PCSK5: variants seen among roughly 807,000 people sequenced by gnomAD.
PCSK5 encodes the protein prohormone convertase 5.
Under a neutral mutation model 233.2 loss-of-function variants are expected in PCSK5, and 129 were observed. That is an observed-to-expected ratio of 0.55 (90% CI 0.48 to 0.64). PCSK5 has a LOEUF of 0.64. Among genes scored for constraint, PCSK5 ranks in the 30% least tolerant of loss-of-function variants. PCSK5 has a pLI of 0.00. For missense variants in PCSK5, 2,076 were observed against 2,430.1 expected, an observed-to-expected ratio of 0.85 and a Z score of 3.06; for synonymous variants, 825 against 879.2, an observed-to-expected ratio of 0.94 and a Z score of 1.09.
chr9:76,327,174 A>T (rs1412732548), intron 32 of PCSK5, among the ~76,000 whole-genome samples: 1 of 147,250 alleles, frequency 6.8e-6, no homozygotes, highest in Admixed American at 6.9e-5. Flanking sequence ...TGGTGCAATC[A>T]CAGCTCACTG....
rs760173845 is a variant in PCSK5 at position 76,323,056 on chromosome 9, C to T, written c.4107C>T (p.Cys1369=). 1 of 1,578,790 alleles carries T rather than the reference C, an allele frequency of 6.3e-7. No individual in the cohort carries two copies. Among genetic ancestry groups the T allele is most frequent in the South Asian group, 1.1e-5 (1 of 88,136 alleles). Residue 1369 remains cysteine, a synonymous_variant, in exon 32 of 38, where the codon TGC becomes TGT. Coordinates refer to ENST00000674117, the MANE Select transcript of PCSK5 (RefSeq NM_001372043.1). The part of the protein sequence containing the change: ...DCIHEKTCKE[C]TPEFFLHDDM... ...GCTGCTTCCTCCTTTTCCCAGAGTG[C>T]ACGCCTGAGTTCTTCCTGCACGATG...
chr9:76,360,482 A>G lies in PCSK5; in HGVS notation c.*1560A>G, dbSNP rs1830413638. The G allele has an allele frequency of 6.6e-6, 1 of 152,250 alleles. No homozygotes were observed. The highest frequency in any genetic ancestry group is 6.5e-5 in the Admixed American group (1 of 15,276). 9.4% of individuals were successfully genotyped at this position (152,250 alleles called of 1,614,324 possible). A position where few individuals can be genotyped will look rare whatever the true frequency, so the allele number is the denominator to read the frequency against. On this transcript the variant is annotated 3_prime_UTR_variant, in exon 38 of 38. Coordinates refer to ENST00000674117, the MANE Select transcript of PCSK5 (RefSeq NM_001372043.1). Reference sequence around the variant, plus strand: ...TGGGAAAATAAGCATCCTAAATATAATTAAAGTCATGCCTATTGTTTTAGT... The same window carrying G: ...TGGGAAAATAAGCATCCTAAATATAGTTAAAGTCATGCCTATTGTTTTAGT...
At chr9:76,340,087 G>A (rs1829786497) in intron 35 of PCSK5, among the ~76,000 whole-genome samples, 1 of 152,064 alleles carries the variant, frequency 6.6e-6, no homozygotes, top group Admixed American at 6.6e-5. Flanking sequence ...GTCCTCCCAG[G>A]AGTATTCTTC....
chr9:76,181,470 C>A lies in PCSK5; in HGVS notation c.2076C>A (p.Asn692Lys), dbSNP rs781723717. Reference sequence around the variant, plus strand: ...AGCGCTGCAGGAAGTGTGCCCCCAACTGTGAGTCCTGCTTTGGGAGCCATG... The same window carrying A: ...AGCGCTGCAGGAAGTGTGCCCCCAAATGTGAGTCCTGCTTTGGGAGCCATG... Reference protein sequence around the residue: ...DKKRCRKCAPNCESCFGSHGD... With the variant: ...DKKRCRKCAPKCESCFGSHGD... Residue 692 changes from asparagine (N) to lysine (K), a missense_variant, in exon 16 of 38, where the codon AAC becomes AAA. Asn to Lys is a moderately conservative substitution (Grantham distance 94). This residue lies in a region of PCSK5 where 1,510 missense variants were observed against 1,538.1 expected (regional missense o/e 0.98). Transcript: ENST00000674117. 6.2e-7 allele frequency: 1 copy of A among 1,614,086 alleles called. No homozygotes were observed.
At chr9:76,264,063 T>C (rs1272771687) in intron 24 of PCSK5, among the ~76,000 whole-genome samples, 1 of 152,114 alleles carries the variant, frequency 6.6e-6, no homozygotes, top group East Asian at 1.9e-4. Context: ...AACTATACTT[T>C]AAAGCTACAG....
rs376100653 is a variant in PCSK5 at position 75,971,754 on chromosome 9, C to G, written c.298-14378C>G. ...TCTTTTGAGAAGTACCTGTTCATGT[C>G]CTTTGCCCACTTTTTAATAGGTTTT... On this transcript the variant is annotated intron_variant, in intron 2 of 37. Coordinates refer to ENST00000674117, the MANE Select transcript of PCSK5 (RefSeq NM_001372043.1). Among the ~76,000 whole-genome samples the G allele has an allele frequency of 2.7e-5, 4 of 149,878 alleles. No homozygotes were observed. The South Asian group carries it at 8.4e-4, about 32-fold the overall frequency.
chr9:76,308,865 C>G (rs1437406195), intron 29 of PCSK5, 137 bp downstream of exon 29: 4 of 610,624 alleles, frequency 6.6e-6, no homozygotes, highest in Non-Finnish European at 8.6e-6. Context: ...AGTGGCTACT[C>G]GGGAGACACA....
chr9:76,339,451 T>C (rs1438483012), intron 35 of PCSK5, among the ~76,000 whole-genome samples: 2 of 152,202 alleles, frequency 1.3e-5, no homozygotes, highest in Non-Finnish European at 2.9e-5. Context: ...ACCCCATCTT[T>C]ATGATCCTGA....
intron 5 of PCSK5, among the ~76,000 whole-genome samples, chr9:76,053,233 G>C (rs193241729): frequency 6.6e-6 from 1 of 152,100 alleles, no homozygotes; most frequent in Non-Finnish European, 1.5e-5. Context: ...CACTCTTTTG[G>C]GGGGGCTCCC....
intron 20 of PCSK5, among the ~76,000 whole-genome samples, chr9:76,199,806 CAA>C (rs1824850355): frequency 6.6e-6 from 1 of 152,112 alleles, no homozygotes; most frequent in African/African-American, 2.4e-5. Flanking sequence ...TCTCTTCCCT[CAA>C]GATTCACACC....
At chr9:76,083,204 CAAAAAAAAAAAAAAA>C (rs11324176) in intron 7 of PCSK5, among the ~76,000 whole-genome samples, 1 of 75,460 alleles carries the variant, frequency 1.3e-5, no homozygotes, top group Non-Finnish European at 2.5e-5. Flanking sequence ...AGCGAGATCT[CAAAAAAAAAAAAAAA>C]AAAAAAAAGA....
chr9:76,287,149 G>T (rs1055111334), intron 24 of PCSK5: 2 of 173,752 alleles, frequency 1.2e-5, no homozygotes, highest in East Asian at 2.9e-4. Flanking sequence ...CTACACGGTC[G>T]TTGACTATAT....
chr9:76,110,237 G>T (rs977235504), intron 9 of PCSK5, among the ~76,000 whole-genome samples: 130 of 152,184 alleles, frequency 8.5e-4, no homozygotes, highest in African/African-American at 3.0e-3. Flanking sequence ...GGCCTGCCAG[G>T]GTTCATTCAG....
intron 2 of PCSK5, among the ~76,000 whole-genome samples, chr9:75,939,021 T>C (rs763008588): frequency 2.0e-5 from 3 of 152,186 alleles, no homozygotes; most frequent in Non-Finnish European, 4.4e-5. Context: ...TTACTTACTA[T>C]AGTAAATTGC....
intron 1 of PCSK5, among the ~76,000 whole-genome samples, chr9:75,898,383 G>A (rs1043602432): frequency 2.0e-5 from 3 of 152,178 alleles, no homozygotes; most frequent in African/African-American, 7.2e-5. Flanking sequence ...TTTCTAGTAA[G>A]CAGCAAAGTT....
At position 76,359,618 on chromosome 9, in the gene PCSK5, A is replaced by C. The variant is rs1264285266; in HGVS notation, c.*696A>C. The C allele has an allele frequency of 1.3e-5, 2 of 152,198 alleles. No individual in the cohort carries two copies. Among genetic ancestry groups the C allele is most frequent in the Non-Finnish European group, 2.9e-5 (2 of 68,050 alleles). The allele number at this position is 152,198 out of a possible 1,614,324, so 9.4% of individuals were successfully genotyped here. ...CTCCGCAGGAATCCAGAGTCACAAC[A>C]ATTCTAAAGGCAGAGCAAGCCCAGC... On this transcript the variant is annotated 3_prime_UTR_variant, in exon 38 of 38. Coordinates refer to ENST00000674117, the MANE Select transcript of PCSK5 (RefSeq NM_001372043.1).
chr9:76,048,323 A>C (rs1205015496), intron 5 of PCSK5, among the ~76,000 whole-genome samples: 2 of 152,108 alleles, frequency 1.3e-5, no homozygotes, highest in Non-Finnish European at 1.5e-5. Context: ...TCATTCTTGC[A>C]TGGATTTGTT....
chr9:75,943,859 G>A (rs1172048580), intron 2 of PCSK5, among the ~76,000 whole-genome samples: 4 of 152,032 alleles, frequency 2.6e-5, no homozygotes, highest in Non-Finnish European at 5.9e-5. Context: ...GGTAAGAAAT[G>A]ATCCCCAAAA....
intron 15 of PCSK5, among the ~76,000 whole-genome samples, chr9:76,180,343 T>C (rs1823807712): frequency 6.6e-6 from 1 of 152,094 alleles, no homozygotes; most frequent in African/African-American, 2.4e-5. Context: ...TCCACCCCAC[T>C]GATGTTTGAT....
Sources: allele counts gnomAD v4.1 joint callset (sites outside exome capture counted in the v4.1 genomes callset), GRCh38; gene constraint gnomAD v4.1.1; regional missense constraint gnomAD v4.1.1; transcripts MANE v1.5; gene names NCBI Gene and HGNC (gene_info 2026-07-23, HGNC 2026-07-21).